The following CHL1 variants were observed in gnomAD, a reference collection of about 807,000 sequenced individuals.
The protein encoded by CHL1 is neural cell adhesion molecule L1-like protein.
CHL1 carries 96 observed loss-of-function variants against 141.9 expected under a neutral mutation model. The observed-to-expected ratio is 0.68, with a 90% CI of 0.57 to 0.80. The LOEUF (loss-of-function observed/expected upper bound fraction) is 0.80, where lower values mean the gene tolerates loss of function less well. CHL1 is among the 30% of genes least tolerant of loss of function. CHL1 has a pLI of 0.00. For synonymous variants in CHL1, 613 were observed against 502.2 expected (o/e 1.22, Z -2.95); for missense variants, 1,820 against 1,457.2 (o/e 1.25, Z -4.05).
rs557802867 is a variant in CHL1, at chr3:359,477, A to G, written c.1166-807A>G. On this transcript the variant is annotated intron_variant, in intron 11 of 27. Transcript: ENST00000256509. ...ACCACCACACCTGGCTGATTTTTGTATTTTTAGTGGAGACAGGGTTTTGCC... is the reference window on the plus strand; with the variant it reads ...ACCACCACACCTGGCTGATTTTTGTGTTTTTAGTGGAGACAGGGTTTTGCC... Among the ~76,000 whole-genome samples the G allele has an allele frequency of 7.9e-5, 12 of 151,860 alleles. No homozygotes were observed. The East Asian group carries it at 1.9e-3, about 25-fold the overall frequency.
chr3:224,878 G>A (rs1306954117), intron 1 of CHL1, among the ~76,000 whole-genome samples: 2 of 152,210 alleles, frequency 1.3e-5, no homozygotes, highest in Non-Finnish European at 1.5e-5. Context: ...GCTCACGCCT[G>A]TAATCCCAGC....
intron 1 of CHL1, among the ~76,000 whole-genome samples, chr3:225,171 A>G (rs753178969): frequency 3.3e-5 from 5 of 152,220 alleles, no homozygotes; most frequent in Non-Finnish European, 5.9e-5. Context: ...GTACTTACAG[A>G]CTAGAAGATT....
At chr3:312,588 C>A (rs376659152) in intron 2 of CHL1, among the ~76,000 whole-genome samples, 4 of 152,152 alleles carry the variant, frequency 2.6e-5, no homozygotes, top group East Asian at 1.9e-4. Context: ...TGGACCTCCT[C>A]CCCATAAGAA....
intron 2 of CHL1, among the ~76,000 whole-genome samples, chr3:303,020 T>A (rs945815680): frequency 6.6e-6 from 1 of 152,202 alleles, no homozygotes; most frequent in African/African-American, 2.4e-5. Flanking sequence ...ATTGCTAGTG[T>A]GTGTCAGGTT....
Position 376,492 on chromosome 3 carries a change from A to C in CHL1, c.1752-1326A>C, listed in dbSNP as rs1217968237. 3 of 479,198 alleles carry C rather than the reference A, an allele frequency of 6.3e-6. No individual in the cohort carries two copies. In the Admixed American group the frequency reaches 6.6e-5, roughly 10 times the overall value. 29.7% of individuals were successfully genotyped at this position (479,198 alleles called of 1,614,324 possible). A position where few individuals can be genotyped will look rare whatever the true frequency, so the allele number is the denominator to read the frequency against. ...CACCCAACGTTGATTAATTGGAGGCACCTAAGATACATTTGTGAGACTGGA... is the reference window on the plus strand; with the variant it reads ...CACCCAACGTTGATTAATTGGAGGCCCCTAAGATACATTTGTGAGACTGGA... On this transcript the variant is annotated intron_variant, in intron 15 of 27. Coordinates refer to ENST00000256509, the MANE Select transcript of CHL1 (RefSeq NM_006614.4).
chr3:344,287 A>G (rs1702580031), intron 8 of CHL1, among the ~76,000 whole-genome samples: 1 of 152,226 alleles, frequency 6.6e-6, no homozygotes, highest in African/African-American at 2.4e-5. Context: ...ATATAAAATC[A>G]TAGATTTTCA....
intron 1 of CHL1, among the ~76,000 whole-genome samples, chr3:207,204 A>G (rs201089257): frequency 2.8e-3 from 426 of 152,370 alleles, no homozygotes; most frequent in Non-Finnish European, 5.3e-3. Flanking sequence ...TGCATAATAT[A>G]AATAGCATTC....
At chr3:332,199 G>T (rs909019312) in intron 5 of CHL1, among the ~76,000 whole-genome samples, 1 of 152,136 alleles carries the variant, frequency 6.6e-6, no homozygotes, top group Admixed American at 6.6e-5. Flanking sequence ...AATGCATTGT[G>T]CTCTATTCAT....
intron 1 of CHL1, among the ~76,000 whole-genome samples, chr3:239,075 G>T (rs140853357): frequency 3.9e-4 from 60 of 152,070 alleles, no homozygotes; most frequent in South Asian, 8.3e-4. Flanking sequence ...ATTTCCTCCT[G>T]ATGGCTGAGT....
At chr3:322,666 A>C (rs1366186325) in intron 3 of CHL1, among the ~76,000 whole-genome samples, 1 of 132,736 alleles carries the variant, frequency 7.5e-6, no homozygotes, top group East Asian at 2.1e-4. Context: ...ATATATATAT[A>C]TATAATTATA....
rs1403379470 is a variant in CHL1, at chr3:366,110, T to C, written c.1746T>C (p.Asp582=). The C allele has an allele frequency of 3.7e-6, 6 of 1,613,134 alleles. No individual in the cohort carries two copies. The highest frequency in any genetic ancestry group is 2.2e-5 in the East Asian group (1 of 44,870). The stretch of plus-strand genomic sequence containing the variant: ...CCTTTGAAATTAATGGCACAGAAGA[T>C]GGCAGGTAGGTAAACTATTATGATA... The part of the protein sequence containing the change: ...GEAFEINGTE[D]GRIIIDGANL... Residue 582 remains aspartate (D), a synonymous_variant, in exon 15 of 28, where the codon GAT becomes GAC. Transcript: ENST00000256509.
At chr3:320,430 A>G (rs578069279) in intron 3 of CHL1, among the ~76,000 whole-genome samples, 2 of 152,180 alleles carry the variant, frequency 1.3e-5, no homozygotes, top group South Asian at 4.1e-4. Context: ...ATGGAAATAT[A>G]TAAATATATA....
intron 2 of CHL1, among the ~76,000 whole-genome samples, chr3:250,495 C>A (rs185006616): frequency 1.3e-5 from 2 of 152,006 alleles, no homozygotes; most frequent in African/African-American, 4.8e-5. Flanking sequence ...TTTGTCTGTG[C>A]AGATCTATCT....
At chr3:255,351 A>T (rs1694058820) in intron 2 of CHL1, among the ~76,000 whole-genome samples, 1 of 152,212 alleles carries the variant, frequency 6.6e-6, no homozygotes, top group South Asian at 2.1e-4. Context: ...TGTGATCATA[A>T]AAACCTTTCC....
intron 2 of CHL1, among the ~76,000 whole-genome samples, chr3:285,124 A>T (rs140949248): frequency 6.6e-6 from 1 of 152,248 alleles, no homozygotes. Context: ...TAATTGAAAT[A>T]ATTAGAATAA....
intron 2 of CHL1, among the ~76,000 whole-genome samples, chr3:302,174 T>A (rs1389993977): frequency 6.6e-6 from 1 of 152,238 alleles, no homozygotes; most frequent in Non-Finnish European, 1.5e-5. Flanking sequence ...TGGTTCCAAG[T>A]CTTTGCTATT....
At chr3:209,288 A>AG (rs1699700711) in intron 1 of CHL1, among the ~76,000 whole-genome samples, 1 of 152,234 alleles carries the variant, frequency 6.6e-6, no homozygotes, top group African/African-American at 2.4e-5. Flanking sequence ...GGAGCAGATG[A>AG]GGGAAATTTT....
intron 1 of CHL1, among the ~76,000 whole-genome samples, chr3:203,756 A>C (rs1699162206): frequency 6.6e-6 from 1 of 152,224 alleles, no homozygotes. Context: ...TTCTACCCCA[A>C]GATTTCCAGT....
chr3:361,188 A>G (rs565009336), intron 12 of CHL1, among the ~76,000 whole-genome samples: 1 of 151,552 alleles, frequency 6.6e-6, no homozygotes, highest in African/African-American at 2.4e-5. Context: ...CTGAAACTGG[A>G]TCCCTTCCTT....
Sources: gnomAD v4.1 joint callset for allele counts (sites outside exome capture counted in the v4.1 genomes callset) on GRCh38, gnomAD v4.1.1 for gene constraint, MANE v1.5 for transcripts, NCBI Gene and HGNC (gene_info 2026-07-23, HGNC 2026-07-21) for gene names.